IFT27: variants seen among roughly 807,000 people sequenced by gnomAD.
IFT27 encodes the protein intraflagellar transport 27, also known as intraflagellar transport protein 27 homolog.
In IFT27, 19 loss-of-function variants were observed where a neutral mutation model predicts 23.9. That is an observed-to-expected ratio of 0.79 (90% confidence interval 0.55 to 1.16). The LOEUF (loss-of-function observed/expected upper bound fraction) is 1.16. Ranked by LOEUF, IFT27 falls within the 50% of genes most tolerant of loss-of-function variation. The probability of loss-of-function intolerance (pLI) is 0.00; values close to 1 mark genes in which losing one functional copy is unlikely to be tolerated. For synonymous variants in IFT27, 91 were observed against 89.1 expected, an observed-to-expected ratio of 1.02 and a Z score of -0.12; for missense variants, 206 against 228.7, an observed-to-expected ratio of 0.90 and a Z score of 0.64.
At position 36,775,810 on chromosome 22, in the gene IFT27, G is replaced by C; in HGVS notation, c.-103C>G. The C allele has an allele frequency of 8.7e-7, 1 of 1,143,174 alleles. No homozygotes were observed. Among genetic ancestry groups the C allele is most frequent in the Non-Finnish European group, 1.3e-6 (1 of 756,264 alleles). The allele number at this position is 1,143,174 out of a possible 1,614,324, so 70.8% of individuals were successfully genotyped here. On this transcript the variant is annotated 5_prime_UTR_variant, in exon 1 of 7. Coordinates refer to ENST00000433985, the MANE Select transcript of IFT27 (RefSeq NM_001177701.3). The stretch of plus-strand genomic sequence containing the variant: ...CTGGGCTGGCCTGGGACGGGAAGGT[G>C]GGGAGGGGAGGGCTGATCTCAAGGG...
In IFT27 at chr22:36,766,200, A is replaced by G. The variant is rs757450760; in HGVS notation, c.175-3T>C. On this transcript the variant is annotated splice_region_variant and splice_polypyrimidine_tract_variant and intron_variant, in intron 3 of 6. Transcript: ENST00000433985. ...GCAGAGTCAAAAATGAAGAGTTCCT[A>G]CAATCAGAAAAGCAAGAAAAGTCTC... The G allele has an allele frequency of 4.3e-6, 7 of 1,613,868 alleles. No individual in the cohort carries two copies. The highest frequency in any genetic ancestry group is 5.9e-6 in the Non-Finnish European group (7 of 1,179,906).
chr22:36,766,018 G>A (rs894854941), intron 4 of IFT27, 120 bp downstream of exon 4: 1 of 835,098 alleles, frequency 1.2e-6, no homozygotes, highest in Non-Finnish European at 2.1e-6. Context: ...CCCTTAAAGA[G>A]TAATGCCATG....
At chr22:36,767,279 G>A in intron 3 of IFT27, 27 bp downstream of exon 3, 1 of 1,604,800 alleles carries the variant, frequency 6.2e-7, no homozygotes, top group Non-Finnish European at 8.5e-7. Flanking sequence ...GGAGCCCTGA[G>A]TTCCCCTGGG....
chr22:36,767,706 G>C (rs948052066), intron 2 of IFT27, 77 bp downstream of exon 2: 6 of 1,314,792 alleles, frequency 4.6e-6, no homozygotes, highest in Non-Finnish European at 6.6e-6. Flanking sequence ...TTCCCTCAAG[G>C]AACTTCGAAG....
chr22:36,775,857 G>T lies in IFT27; in HGVS notation c.-150C>A. 3.2e-6 allele frequency: 2 copies of T among 633,300 alleles called. No homozygotes were observed. Among genetic ancestry groups the T allele is most frequent in the Non-Finnish European group, 5.6e-6 (2 of 360,358 alleles). The allele number at this position is 633,300 out of a possible 1,614,324, so 39.2% of individuals were successfully genotyped here. A position where few individuals can be genotyped will look rare whatever the true frequency, so the allele number is the denominator to read the frequency against. On this transcript the variant is annotated 5_prime_UTR_variant, in exon 1 of 7. Coordinates refer to ENST00000433985, the MANE Select transcript of IFT27 (RefSeq NM_001177701.3). ...AGGGTCAGTGGCCGCGACGGGACTG[G>T]GGATGACCGAGCCCGGCCCTTCTGG...
At chr22:36,762,486 A>T (rs959751219) in intron 6 of IFT27, 2 of 154,348 alleles carry the variant, frequency 1.3e-5, no homozygotes, top group African/African-American at 4.8e-5. Context: ...TTCGCTAATC[A>T]TGGGACCTTG....
chr22:36,767,636 A>G, intron 2 of IFT27, 147 bp downstream of exon 2: 4 of 782,176 alleles, frequency 5.1e-6, no homozygotes, highest in South Asian at 1.6e-5. Context: ...ACCCTGGGCT[A>G]GTGGAAAAAA....
At chr22:36,772,501 T>A in intron 1 of IFT27, 1 of 985,372 alleles carries the variant, frequency 1.0e-6, no homozygotes, top group Non-Finnish European at 1.2e-6. Context: ...TACAGATCAA[T>A]GTCAAATGTT....
At chr22:36,758,703 T>C in intron 6 of IFT27, 1 of 378,284 alleles carries the variant, frequency 2.6e-6, no homozygotes, top group Non-Finnish European at 4.9e-6. Context: ...TTGCAGTCAC[T>C]GTACGTGTGA....
rs778064005 is a variant in IFT27 at position 36,758,292 on chromosome 22, CA to C, written c.*18del. The stretch of plus-strand genomic sequence containing the variant: ...AATTCTGTCTTCTCCGGTTGTGCAG[CA>C]CGATCTGCTCCAGCTCGTCATGCCA... On this transcript the variant is annotated 3_prime_UTR_variant, in exon 7 of 7. Transcript: ENST00000433985. 5 of 1,575,818 alleles carry C rather than the reference CA, an allele frequency of 3.2e-6. No homozygotes were observed. The South Asian group carries it at 5.5e-5, about 17-fold the overall frequency.
intron 6 of IFT27, chr22:36,761,338 G>C (rs767106495): frequency 1.3e-5 from 2 of 152,182 alleles, no homozygotes. Flanking sequence ...GGGCACTACC[G>C]CCTACTGCTT....
At chr22:36,773,654 CAAAAAAAAAA>C in intron 1 of IFT27, among the ~76,000 whole-genome samples, 1 of 110,472 alleles carries the variant, frequency 9.1e-6, no homozygotes, top group South Asian at 3.3e-4. Flanking sequence ...AACTCCGTCT[CAAAAAAAAAA>C]AAAAAAAAAA....
chr22:36,768,791 A>T (rs1938325223), intron 1 of IFT27, among the ~76,000 whole-genome samples: 1 of 152,056 alleles, frequency 6.6e-6, no homozygotes, highest in Non-Finnish European at 1.5e-5. Flanking sequence ...TTCCATTTGC[A>T]GCCTCTTTTC....
At chr22:36,761,896 C>A (rs1938100569) in intron 6 of IFT27, 1 of 152,268 alleles carries the variant, frequency 6.6e-6, no homozygotes, top group South Asian at 2.1e-4. Context: ...AGAAGATGAC[C>A]TCCAGAACAT....
Position 36,775,783 on chromosome 22 carries a change from C to A in IFT27, c.-76G>T. 1.3e-6 allele frequency: 2 copies of A among 1,494,602 alleles called. No homozygotes were observed. Among genetic ancestry groups the A allele is most frequent in the Non-Finnish European group, 1.9e-6 (2 of 1,071,754 alleles). The allele number at this position is 1,494,602 out of a possible 1,614,324, so 92.6% of individuals were successfully genotyped here. ...GAGACGCGAGTGGGTGGGCTTCGGG[C>A]CCTGGGCTGGCCTGGGACGGGAAGG... On this transcript the variant is annotated 5_prime_UTR_variant, in exon 1 of 7. Coordinates refer to ENST00000433985, the MANE Select transcript of IFT27 (RefSeq NM_001177701.3).
At chr22:36,759,622 A>C (rs1938024866) in intron 6 of IFT27, 1 of 152,256 alleles carries the variant, frequency 6.6e-6, no homozygotes, top group Admixed American at 6.5e-5. Context: ...TCAAGACAGC[A>C]GCTCAAGCTA....
chr22:36,773,287 G>A (rs1487901740), intron 1 of IFT27, among the ~76,000 whole-genome samples: 1 of 152,114 alleles, frequency 6.6e-6, no homozygotes, highest in East Asian at 1.9e-4. Flanking sequence ...AAACCCAGGA[G>A]GTGGAAGTTG....
chr22:36,763,258 T>G (rs1044141978), intron 5 of IFT27: 1 of 411,144 alleles, frequency 2.4e-6, no homozygotes, highest in African/African-American at 2.0e-5. Context: ...AGACCTCACG[T>G]GTATCTGTCT....
chr22:36,762,862 G>A (rs1938128920), intron 6 of IFT27, 42 bp downstream of exon 6: 1 of 1,330,224 alleles, frequency 7.5e-7, no homozygotes. Context: ...GCCAGCAGAG[G>A]CCCACTCCAG....
Sources: allele counts gnomAD v4.1 joint callset (sites outside exome capture counted in the v4.1 genomes callset), GRCh38; gene constraint gnomAD v4.1.1; transcripts MANE v1.5; gene names NCBI Gene and HGNC (gene_info 2026-07-23, HGNC 2026-07-21).